Variants in ZNF479 observed in about 807,000 individuals in gnomAD.
The protein encoded by ZNF479 is zinc finger protein 479.
In ZNF479, 15 loss-of-function variants were observed where a neutral mutation model predicts 14.7. The observed-to-expected ratio is 1.02, with a 90% confidence interval of 0.68 to 1.57. The LOEUF is 1.57. Among genes scored for constraint, ZNF479 ranks in the 40% most tolerant of loss-of-function variants. The pLI is 0.00. For missense variants in ZNF479, 506 were observed against 615.1 expected, an observed-to-expected ratio of 0.82 and a Z score of 1.88; for synonymous variants, 145 against 211.5, an observed-to-expected ratio of 0.69 and a Z score of 2.73.
upstream of ZNF479, among the ~76,000 whole-genome samples, chr7:57,136,199 C>A (rs1174792835): frequency 6.6e-6 from 1 of 152,034 alleles, no homozygotes; most frequent in Non-Finnish European, 1.5e-5. Context: ...GCCCGGCCAA[C>A]ATGGCGAAAC....
chr7:57,134,038 T>C (rs1352441304), upstream of ZNF479, among the ~76,000 whole-genome samples: 4 of 152,226 alleles, frequency 2.6e-5, no homozygotes, highest in African/African-American at 4.8e-5. Context: ...TTTACCTTTC[T>C]AGCACATTGC....
chr7:57,120,516 T>G lies in ZNF479; in HGVS notation c.899A>C (p.Glu300Ala), dbSNP rs200222904. ...IHTGERPYKC[E>A]ECGKAFSVSS... ...TACGCTAAAGGCTTTGCCACATTCT[T>G]CACATTTGTAGGGTCTCTCTCCAGT... The change falls in exon 4 of 4, where the codon GAA becomes GCA. Residue 300 changes from glutamate to alanine, a missense_variant. Physicochemically the swap from Glu to Ala is moderately radical, Grantham distance 107. Coordinates refer to ENST00000319636, the MANE Select transcript of ZNF479 (RefSeq NM_001370129.2). The G allele has an allele frequency of 6.2e-5, 100 of 1,612,826 alleles. No homozygotes were observed. The highest frequency in any genetic ancestry group is 8.3e-5 in the Non-Finnish European group (98 of 1,179,818).
chr7:57,125,794 G>A (rs1275341551), intron 3 of ZNF479, among the ~76,000 whole-genome samples: 3 of 152,176 alleles, frequency 2.0e-5, no homozygotes, highest in South Asian at 2.1e-4. Flanking sequence ...CTCACACTGT[G>A]AACTTGAAGA....
Position 57,131,584 on chromosome 7 carries a change from AAAC to A in ZNF479, c.39+699_39+701del, listed in dbSNP as rs1168949553. 5.2e-5 allele frequency among the ~76,000 whole-genome samples: 7 copies of A among 135,516 alleles called. 1 individual carries two copies. The highest frequency in any genetic ancestry group is 1.5e-4 in the Admixed American group (2 of 13,358). The allele number at this position is 135,516 out of a possible 152,430, so 88.9% of individuals were successfully genotyped here. ...TCTCAAAAATAAAAAACAAACAAAC[AAAC>A]AAAAAAAAAACATTTCTTGTAAATT... is the stretch of plus-strand genomic sequence containing the variant. On this transcript the variant is annotated intron_variant, in intron 1 of 3. Transcript: ENST00000319636.
At chr7:57,126,931 T>C (rs57435235) in intron 1 of ZNF479, among the ~76,000 whole-genome samples, 43,206 of 151,850 alleles carry the variant, frequency 0.28, 7,124 homozygotes, top group East Asian at 0.53. Context: ...TCCACAATAC[T>C]GCTGTAGATT....
chr7:57,121,859 T>A (rs1465010329), intron 3 of ZNF479, among the ~76,000 whole-genome samples: 1 of 152,090 alleles, frequency 6.6e-6, no homozygotes, highest in Non-Finnish European at 1.5e-5. Context: ...AAGATGTAGA[T>A]CTTGATTTTT....
rs781811236 is a variant in ZNF479 at position 57,120,032 on chromosome 7, T to A, written c.1383A>T (p.Gly461=). The change falls in exon 4 of 4, where the codon GGA becomes GGT. Residue 461 remains glycine, a synonymous_variant. Coordinates refer to ENST00000319636, the MANE Select transcript of ZNF479 (RefSeq NM_001370129.2). ...TLTDHKRIHT[G]ERPYTCEECG... Reference sequence around the variant, plus strand: ...ATTCTTCACATGTGTAGGGTCTCTCTCCAGTATGAATTCTCTTGTGGTCAG... The same window carrying A: ...ATTCTTCACATGTGTAGGGTCTCTCACCAGTATGAATTCTCTTGTGGTCAG... 1.3e-5 allele frequency: 21 copies of A among 1,613,874 alleles called. No homozygotes were observed. The highest frequency in any genetic ancestry group is 2.5e-6 in the Non-Finnish European group (3 of 1,180,010).
rs962970653 is a variant in ZNF479, at chr7:57,138,123, T to A, written c.-15+1485A>T. Among the ~76,000 whole-genome samples, 3 of 152,318 alleles carry A rather than the reference T, an allele frequency of 2.0e-5. No individual in the cohort carries two copies. In the East Asian group the frequency reaches 5.8e-4, roughly 29 times the overall value. The stretch of plus-strand genomic sequence containing the variant: ...CTGGCCCAGCACCTAGTTGATGTGA[T>A]TCTCCCTCCTAGTCTCTGCCCACAG... On this transcript the variant is annotated intron_variant, in intron 1 of 4. Coordinates refer to the ZNF479 transcript ENST00000331162.
At chr7:57,132,202 A>T in intron 1 of ZNF479, 84 bp downstream of exon 1, 7 of 1,612,180 alleles carry the variant, frequency 4.3e-6, no homozygotes, top group Non-Finnish European at 5.9e-6. Context: ...TGACTGCAAG[A>T]AAGTCTGGGA....
chr7:57,119,827 G>T lies in ZNF479; in HGVS notation c.*13C>A. 1 of 1,606,310 alleles carries T rather than the reference G, an allele frequency of 6.2e-7. No homozygotes were observed. The highest frequency in any genetic ancestry group is 1.1e-5 in the South Asian group (1 of 90,582). On this transcript the variant is annotated 3_prime_UTR_variant, in exon 4 of 4. Transcript: ENST00000319636. ...TTTATGTATTATAAGGCCTGAGGGT[G>T]GACTTTGCCATATTATTCACATTTG...
At position 57,119,795 on chromosome 7, in the gene ZNF479, A is replaced by C. The variant is rs181730812; in HGVS notation, c.*45T>G. On this transcript the variant is annotated 3_prime_UTR_variant, in exon 4 of 4. Transcript: ENST00000319636. ...CATTTGTAGTGTTTTTTTCCAGTGT[A>C]AATTATTTTATGTATTATAAGGCCT... 8.1e-5 allele frequency: 121 copies of C among 1,491,904 alleles called. No homozygotes were observed. The East Asian group carries it at 2.9e-3, about 35-fold the overall frequency. The allele number at this position is 1,491,904 out of a possible 1,614,324, so 92.4% of individuals were successfully genotyped here. A position where few individuals can be genotyped will look rare whatever the true frequency, so the allele number is the denominator to read the frequency against.
At chr7:57,136,109 C>G (rs1163190590), upstream of ZNF479, among the ~76,000 whole-genome samples, 1 of 151,706 alleles carries the variant, frequency 6.6e-6, no homozygotes, top group African/African-American at 2.4e-5. Context: ...ACAGGCCAGG[C>G]ATGGTGACTC....
rs1320337234 is a variant in ZNF479, at chr7:57,119,655, G to T, written c.*185C>A. The T allele has an allele frequency of 2.4e-5, 15 of 622,042 alleles. No individual in the cohort carries two copies. The highest frequency in any genetic ancestry group is 1.3e-4 in the African/African-American group (7 of 53,942). The allele number at this position is 622,042 out of a possible 1,614,324, so 38.5% of individuals were successfully genotyped here. On this transcript the variant is annotated 3_prime_UTR_variant, in exon 4 of 4. Coordinates refer to ENST00000319636, the MANE Select transcript of ZNF479 (RefSeq NM_001370129.2). ...TCTCTTAGGTTTATTAAGGTTTGAG[G>T]GTTGGTTAAAGGCTTTGTTACATTT...
At chr7:57,129,534 C>CT (rs1786327871) in intron 1 of ZNF479, among the ~76,000 whole-genome samples, 1 of 151,918 alleles carries the variant, frequency 6.6e-6, no homozygotes, top group Non-Finnish European at 1.5e-5. Flanking sequence ...TTTTTGTTGG[C>CT]TTTTTTAAGT....
Position 57,132,394 on chromosome 7 carries a change from G to A in ZNF479, c.-70C>T. 6.2e-7 allele frequency: 1 copy of A among 1,611,532 alleles called. No homozygotes were observed. The highest frequency in any genetic ancestry group is 1.1e-5 in the South Asian group (1 of 91,022). On this transcript the variant is annotated 5_prime_UTR_variant, in exon 1 of 4. Transcript: ENST00000319636. Reference sequence around the variant, plus strand: ...CTCTAGGAGCAGAGGACACAGAGCAGTGAAGAGGAGAACTGCAGCTCTGGA... The same window carrying A: ...CTCTAGGAGCAGAGGACACAGAGCAATGAAGAGGAGAACTGCAGCTCTGGA...
At chr7:57,133,691 C>A (rs982730837), upstream of ZNF479, among the ~76,000 whole-genome samples, 17 of 152,228 alleles carry the variant, frequency 1.1e-4, no homozygotes, top group African/African-American at 3.6e-4. Context: ...CATGATGAAA[C>A]CCCTGCTCTA....
intron 3 of ZNF479, among the ~76,000 whole-genome samples, chr7:57,122,109 T>G (rs1421318712): frequency 1.3e-5 from 2 of 151,884 alleles, no homozygotes; most frequent in African/African-American, 4.8e-5. Context: ...TAAGCAAAGT[T>G]TCAAAAGTCA....
At chr7:57,132,180 AG>A in intron 1 of ZNF479, 105 bp downstream of exon 1, 1 of 1,602,470 alleles carries the variant, frequency 6.2e-7, no homozygotes, top group Non-Finnish European at 8.5e-7. Flanking sequence ...TTGGGTCGGC[AG>A]GCCCTGGAAC....
At chr7:57,136,972 C>T (rs566057086), upstream of ZNF479, among the ~76,000 whole-genome samples, 93 of 151,848 alleles carry the variant, frequency 6.1e-4, no homozygotes, top group African/African-American at 1.8e-3. Flanking sequence ...CGAGTTTGGC[C>T]GCTGCACTCC....
Sources: gnomAD v4.1 joint callset for allele counts (sites outside exome capture counted in the v4.1 genomes callset) on GRCh38, gnomAD v4.1.1 for gene constraint, MANE v1.5 for transcripts, NCBI Gene and HGNC (gene_info 2026-07-23, HGNC 2026-07-21) for gene names.